The following AKAP9 variants were observed in gnomAD, a reference collection of about 807,000 sequenced individuals.
AKAP9 encodes A-kinase anchoring protein 9, also known as A-kinase anchor protein 9.
A neutral mutation model predicts 488.5 loss-of-function variants in AKAP9; 311 were observed. The observed-to-expected ratio is 0.64, with a 90% CI of 0.58 to 0.70. The LOEUF (loss-of-function observed/expected upper bound fraction) is 0.70, where lower values mean the gene tolerates loss of function less well. AKAP9 is among the 30% of genes least tolerant of loss of function. The pLI, the probability that AKAP9 is intolerant of heterozygous loss-of-function variation, is 0.00. For missense variants in AKAP9, 4,215 were observed against 4,374.5 expected (o/e 0.96, Z 1.03); for synonymous variants, 1,462 against 1,483.5 (o/e 0.99, Z 0.33).
intron 3 of AKAP9, among the ~76,000 whole-genome samples, chr7:91,987,327 GA>G (rs1797224410): frequency 6.6e-6 from 1 of 151,868 alleles, no homozygotes; most frequent in African/African-American, 2.4e-5. Context: ...GCTGAGGCAG[GA>G]AAATTGTTTG....
chr7:91,972,705 C>A lies in AKAP9; in HGVS notation c.49-1006C>A, dbSNP rs1288384892. 6.6e-5 allele frequency among the ~76,000 whole-genome samples: 10 copies of A among 152,142 alleles called. No individual in the cohort carries two copies. The East Asian group carries it at 7.7e-4, about 12-fold the overall frequency. On this transcript the variant is annotated intron_variant, in intron 1 of 49. Coordinates refer to ENST00000356239, the MANE Select transcript of AKAP9 (RefSeq NM_005751.5). ...CCATTTTGGAGCTATTAGGTTGGTG[C>A]AAAAGCAATTGCAGTTTTTGTACCG...
At chr7:92,102,016 CATG>C (rs1817583974) in intron 45 of AKAP9, among the ~76,000 whole-genome samples, 1 of 151,644 alleles carries the variant, frequency 6.6e-6, no homozygotes, top group Non-Finnish European at 1.5e-5. Flanking sequence ...ATTAGCCAGG[CATG>C]GTGGTGGGCG....
rs753896470 is a variant in AKAP9 at position 92,029,940 on chromosome 7, A to G, written c.4194A>G (p.Arg1398=). Residue 1398 remains arginine, a synonymous_variant, in exon 15 of 50, where the codon AGA becomes AGG. Coordinates refer to ENST00000356239, the MANE Select transcript of AKAP9 (RefSeq NM_005751.5). ...SVVITESDAQ[R]TMYPGSCVKK... ...TAATTACAGAATCTGATGCACAGAGAACAATGTACCCTGGAAGTTGTGTGA... is the reference window on the plus strand; with the variant it reads ...TAATTACAGAATCTGATGCACAGAGGACAATGTACCCTGGAAGTTGTGTGA... The G allele has an allele frequency of 6.2e-7, 1 of 1,613,246 alleles. No homozygotes were observed. Among genetic ancestry groups the G allele is most frequent in the Non-Finnish European group, 8.5e-7 (1 of 1,179,484 alleles).
intron 12 of AKAP9, among the ~76,000 whole-genome samples, chr7:92,018,346 T>C (rs1466060785): frequency 2.0e-5 from 3 of 151,874 alleles, no homozygotes; most frequent in Admixed American, 1.3e-4. Flanking sequence ...ATTGTGCCAC[T>C]GTACTCCTGC....
chr7:92,065,865 G>A (rs547678218), intron 25 of AKAP9, among the ~76,000 whole-genome samples: 118 of 152,176 alleles, frequency 7.8e-4, no homozygotes, highest in Non-Finnish European at 7.6e-4. Flanking sequence ...AAATGGGCCC[G>A]GAACAGTGGT....
intron 35 of AKAP9, 109 bp downstream of exon 35, chr7:92,085,049 C>T: frequency 7.9e-7 from 1 of 1,267,524 alleles, no homozygotes; most frequent in Admixed American, 1.8e-5. Context: ...GAGAGAATTG[C>T]TTAGCTAGAA....
intron 1 of AKAP9, chr7:91,970,557 T>G (rs1308418908): frequency 2.2e-6 from 1 of 450,628 alleles, no homozygotes; most frequent in Admixed American, 2.5e-5. Flanking sequence ...TGAAAGACTT[T>G]GTTCCTCTTC....
intron 12 of AKAP9, among the ~76,000 whole-genome samples, chr7:92,020,597 T>C (rs923899286): frequency 1.3e-5 from 2 of 152,226 alleles, no homozygotes; most frequent in Non-Finnish European, 2.9e-5. Context: ...ACTTTTCATG[T>C]TATATAATTG....
At chr7:92,012,926 C>A (rs1020891980) in intron 9 of AKAP9, among the ~76,000 whole-genome samples, 1 of 147,844 alleles carries the variant, frequency 6.8e-6, no homozygotes, top group African/African-American at 2.5e-5. Context: ...TCTAGTACTT[C>A]CTGGCAGGAT....
chr7:92,077,941 T>C, intron 30 of AKAP9, 66 bp downstream of exon 30: 5 of 1,121,074 alleles, frequency 4.5e-6, no homozygotes, highest in South Asian at 1.5e-5. Context: ...AAAATGGTTA[T>C]AATGTTGCTC....
intron 3 of AKAP9, among the ~76,000 whole-genome samples, chr7:91,987,610 G>T (rs900996539): frequency 6.6e-6 from 1 of 152,136 alleles, no homozygotes; most frequent in Non-Finnish European, 1.5e-5. Context: ...TGAAATGTTT[G>T]ATATGTGTCA....
intron 14 of AKAP9, among the ~76,000 whole-genome samples, chr7:92,026,299 A>G (rs982698241): frequency 3.3e-5 from 5 of 152,244 alleles, no homozygotes; most frequent in East Asian, 3.9e-4. Context: ...AGCTTAAAGA[A>G]TGAAGTCGCT....
At chr7:92,103,261 G>A (rs1324418671) in intron 46 of AKAP9, among the ~76,000 whole-genome samples, 2 of 151,944 alleles carry the variant, frequency 1.3e-5, no homozygotes, top group African/African-American at 4.8e-5. Context: ...GTAGTGGCAG[G>A]CACCTGTAGT....
At chr7:92,025,353 T>C (rs1802947545) in intron 14 of AKAP9, among the ~76,000 whole-genome samples, 1 of 152,192 alleles carries the variant, frequency 6.6e-6, no homozygotes, top group Admixed American at 6.5e-5. Context: ...TGGAAATGTG[T>C]TGACAAGGCC....
chr7:91,985,939 G>T (rs138199927), intron 3 of AKAP9, among the ~76,000 whole-genome samples: 118 of 152,222 alleles, frequency 7.8e-4, no homozygotes, highest in Middle Eastern at 3.4e-3. Context: ...GAGCCACCTC[G>T]CCCAGCCAAT....
intron 8 of AKAP9, among the ~76,000 whole-genome samples, chr7:92,008,610 C>A (rs1800258838): frequency 6.6e-6 from 1 of 151,990 alleles, no homozygotes. Context: ...ATCCCTTGAA[C>A]CCAGGAGGTG....
In AKAP9 at chr7:92,100,853, C is replaced by T; in HGVS notation, c.10897-3C>T. ...TTGTGTAAGTAGGCTGTGGTCTTTG[C>T]AGTCTTCCAGGTTTTCATTGAATGG... On this transcript the variant is annotated splice_region_variant and splice_polypyrimidine_tract_variant and intron_variant, in intron 44 of 49. Transcript: ENST00000356239. The T allele has an allele frequency of 6.2e-7, 1 of 1,614,070 alleles. No homozygotes were observed. Among genetic ancestry groups the T allele is most frequent in the Non-Finnish European group, 8.5e-7 (1 of 1,179,968 alleles).
intron 46 of AKAP9, 106 bp from the exon 47 acceptor site, chr7:92,105,572 G>T: frequency 1.2e-6 from 1 of 848,158 alleles, no homozygotes; most frequent in South Asian, 1.4e-5. Context: ...TGTGAAATTT[G>T]ACATTTGTTC....
chr7:92,065,465 T>C lies in AKAP9; in HGVS notation c.6210+2T>C. 1 of 1,594,056 alleles carries C rather than the reference T, an allele frequency of 6.3e-7. No homozygotes were observed. The highest frequency in any genetic ancestry group is 8.6e-7 in the Non-Finnish European group (1 of 1,163,094). On this transcript the variant is annotated splice_donor_variant, in intron 25 of 49. Transcript: ENST00000356239. LOFTEE classifies it high-confidence loss of function. ...GAAAAAATGAGAAAATTTTTAGATGTAAGTATTCTCAAGTTGAATACTGAT... is the reference window on the plus strand; with the variant it reads ...GAAAAAATGAGAAAATTTTTAGATGCAAGTATTCTCAAGTTGAATACTGAT...
Sources: gnomAD v4.1 joint callset for allele counts (sites outside exome capture counted in the v4.1 genomes callset) on GRCh38, gnomAD v4.1.1 for gene constraint, MANE v1.5 for transcripts, NCBI Gene and HGNC (gene_info 2026-07-23, HGNC 2026-07-21) for gene names.